ODAD2: variants seen among roughly 807,000 people sequenced by gnomAD.
ODAD2 encodes outer dynein arm docking complex subunit 2.
Under a neutral mutation model 106.8 loss-of-function variants are expected in ODAD2, and 89 were observed. That is an observed-to-expected ratio of 0.83 (90% CI 0.70 to 0.99). ODAD2 has a LOEUF of 0.99. ODAD2 is among the 50% of genes least tolerant of loss of function. ODAD2 has a pLI of 0.00. For synonymous variants in ODAD2, 404 were observed against 436.2 expected (o/e 0.93, Z 0.92); for missense variants, 1,168 against 1,238.5 (o/e 0.94, Z 0.85).
rs1846275854 is a variant in ODAD2, at chr10:27,940,001, A to C, written c.1993T>G (p.Tyr665Asp). Residue 665 changes from tyrosine to aspartate, a missense_variant, in exon 14 of 20, where the codon TAC (tyrosine) becomes GAC (aspartate). Physicochemically the swap from Tyr to Asp is radical, Grantham distance 160. Around this residue, in one of 3 missense-constraint regions of ODAD2, gnomAD observed 701 missense variants for 712.3 expected, o/e 0.98. Coordinates refer to ENST00000305242, the MANE Select transcript of ODAD2 (RefSeq NM_018076.5). Reference protein sequence around the residue: ...TLQECASEENYRAAIKAERII... With the variant: ...TLQECASEENDRAAIKAERII... ...CTTTCTGCTTTGATTGCAGCCCGGT[A>C]GTTTTCCTAGGAATAAAAACCTACA... The C allele has an allele frequency of 6.2e-7, 1 of 1,602,334 alleles. No individual in the cohort carries two copies. Among genetic ancestry groups the C allele is most frequent in the South Asian group, 1.1e-5 (1 of 89,414 alleles).
intron 9 of ODAD2, among the ~76,000 whole-genome samples, chr10:27,965,063 A>G (rs537955908): frequency 7.2e-5 from 11 of 152,174 alleles, no homozygotes; most frequent in Admixed American, 2.0e-4. Context: ...TGTGTAGGCC[A>G]AGATTTGGTA....
intron 12 of ODAD2, 117 bp downstream of exon 12, chr10:27,944,105 C>A (rs1590094495): frequency 1.2e-6 from 1 of 841,562 alleles, no homozygotes; most frequent in Non-Finnish European, 1.9e-6. Context: ...AGACAGAAGG[C>A]TCCTGGAACA....
chr10:27,825,854 C>T (rs1836998960), intron 19 of ODAD2, among the ~76,000 whole-genome samples: 1 of 152,166 alleles, frequency 6.6e-6, no homozygotes, highest in South Asian at 2.1e-4. Flanking sequence ...AACAGTAGCC[C>T]TTGTTAACAC....
intron 6 of ODAD2, among the ~76,000 whole-genome samples, chr10:27,983,487 G>A: frequency 6.6e-6 from 1 of 152,192 alleles, no homozygotes. Flanking sequence ...CTCTTAGGAT[G>A]CAAGCTGCAG....
Position 27,983,855 on chromosome 10 carries a change from T to C in ODAD2, c.807A>G (p.Val269=), listed in dbSNP as rs1849708553. The C allele has an allele frequency of 1.9e-6, 3 of 1,613,144 alleles. No homozygotes were observed. Among genetic ancestry groups the C allele is most frequent in the Admixed American group, 3.3e-5 (2 of 59,744 alleles). The part of the protein sequence containing the change: ...TLCITCSAGG[V]FLNGGKTDDE... ...AAAATTTACTTACACCATTTAAAAA[T>C]ACTCCTCCTGCACTGCAAGTAATGC... The change falls in exon 6 of 20, where the codon GTA becomes GTG. Residue 269 remains valine (V), a synonymous_variant. Coordinates refer to ENST00000305242, the MANE Select transcript of ODAD2 (RefSeq NM_018076.5).
At chr10:27,971,421 A>C (rs1241441629) in intron 7 of ODAD2, 108 bp from the exon 8 acceptor site, 1 of 935,788 alleles carries the variant, frequency 1.1e-6, no homozygotes, top group African/African-American at 1.7e-5. Context: ...GGATGCATTT[A>C]ACTTGTGGTC....
At chr10:27,953,666 A>T (rs1588598030) in intron 10 of ODAD2, among the ~76,000 whole-genome samples, 1 of 152,204 alleles carries the variant, frequency 6.6e-6, no homozygotes, top group Admixed American at 6.5e-5. Flanking sequence ...ATTAAATATA[A>T]AAAGCAAAAT....
chr10:27,943,795 CAAAAAAAAAAAAAAAAAAAA>C (rs56059926), intron 12 of ODAD2, among the ~76,000 whole-genome samples: 5 of 58,644 alleles, frequency 8.5e-5, no homozygotes, highest in South Asian at 8.0e-4. Context: ...GGCTCTGTCT[CAAAAAAAAAAAAAAAAAAAA>C]AAAAAAAAAA....
chr10:27,830,230 C>T (rs1427360509), intron 19 of ODAD2, among the ~76,000 whole-genome samples: 3 of 152,192 alleles, frequency 2.0e-5, no homozygotes, highest in East Asian at 3.8e-4. Flanking sequence ...TTTCTCACCA[C>T]ATAACACCTC....
intron 16 of ODAD2, 67 bp from the exon 17 acceptor site, chr10:27,907,844 C>T: frequency 1.9e-6 from 2 of 1,066,670 alleles, no homozygotes; most frequent in Non-Finnish European, 1.4e-6. Flanking sequence ...TTTTAATGAC[C>T]CACTTATTTA....
chr10:27,944,922 A>C lies in ODAD2; in HGVS notation c.1427T>G (p.Met476Arg), dbSNP rs2132637044. Residue 476 changes from methionine to arginine, a missense_variant, in exon 11 of 20, where the codon ATG becomes AGG. By Grantham distance (91) the Met-to-Arg change is moderately conservative (BLOSUM62 -1). Transcript: ENST00000305242. The stretch of plus-strand genomic sequence containing the variant: ...TTCTTGAGCTAAGCTGAAATCCCTC[A>C]TTGAACACAACGCAATCACTGTAGC... ...QTATVIALCS[M>R]RDFSLAQETC... The C allele has an allele frequency of 1.9e-6, 3 of 1,614,154 alleles. No individual in the cohort carries two copies. The highest frequency in any genetic ancestry group is 2.5e-6 in the Non-Finnish European group (3 of 1,179,996).
chr10:27,845,799 A>G (rs1455963628), intron 19 of ODAD2, among the ~76,000 whole-genome samples: 1 of 152,204 alleles, frequency 6.6e-6, no homozygotes, highest in Non-Finnish European at 1.5e-5. Flanking sequence ...AGACTTTTAA[A>G]CCAACAAATA....
At chr10:27,929,324 T>A (rs1845458519) in intron 16 of ODAD2, among the ~76,000 whole-genome samples, 1 of 152,164 alleles carries the variant, frequency 6.6e-6, no homozygotes, top group Admixed American at 6.5e-5. Context: ...TTGTACCATG[T>A]CTATTGACTT....
At chr10:27,858,423 T>C (rs995552733) in intron 19 of ODAD2, among the ~76,000 whole-genome samples, 14 of 152,318 alleles carry the variant, frequency 9.2e-5, no homozygotes, top group African/African-American at 3.1e-4. Flanking sequence ...CCCTGTTCTT[T>C]ACAGTTTTCC....
chr10:27,877,150 A>AT (rs1397399423), intron 17 of ODAD2, among the ~76,000 whole-genome samples: 2 of 152,224 alleles, frequency 1.3e-5, no homozygotes, highest in Non-Finnish European at 2.9e-5. Context: ...GCTGTGTCTG[A>AT]TGGAATATAA....
rs781294210 is a variant in ODAD2, at chr10:27,812,643, GAGA to G, written c.3022-21_3022-19del. The G allele has an allele frequency of 1.6e-5, 25 of 1,556,598 alleles. No individual in the cohort carries two copies. The highest frequency in any genetic ancestry group is 1.3e-4 in the Admixed American group (6 of 44,548). On this transcript the variant is annotated intron_variant, in intron 19 of 19. Coordinates refer to ENST00000305242, the MANE Select transcript of ODAD2 (RefSeq NM_018076.5). ...AGTAGAAGCTGTCACACATAAGGAGGAGAAGAAGGGACACAAGAATAAAAACAT... is the reference window on the plus strand; with the variant it reads ...AGTAGAAGCTGTCACACATAAGGAGGAGAAGGGACACAAGAATAAAAACAT...
At chr10:27,916,866 G>A (rs897374672) in intron 16 of ODAD2, among the ~76,000 whole-genome samples, 1 of 152,150 alleles carries the variant, frequency 6.6e-6, no homozygotes, top group South Asian at 2.1e-4. Context: ...GAGGGTTAGC[G>A]TCTCTAACCC....
chr10:27,967,036 C>T (rs891229955), intron 9 of ODAD2, among the ~76,000 whole-genome samples: 5 of 149,660 alleles, frequency 3.3e-5, no homozygotes, highest in African/African-American at 1.2e-4. Context: ...AGCAGAAACT[C>T]CAGGAGGTGC....
intron 10 of ODAD2, among the ~76,000 whole-genome samples, chr10:27,948,831 T>A (rs1310259436): frequency 6.6e-6 from 1 of 150,930 alleles, no homozygotes; most frequent in South Asian, 2.1e-4. Context: ...ATTGGATTTT[T>A]TTTTTTTCAA....
Sources: gnomAD v4.1 joint callset for allele counts (sites outside exome capture counted in the v4.1 genomes callset) on GRCh38, gnomAD v4.1.1 for gene constraint, gnomAD v4.1.1 regional missense constraint, MANE v1.5 for transcripts, NCBI Gene and HGNC (gene_info 2026-07-23, HGNC 2026-07-21) for gene names.